PAXIP1: variants seen among roughly 807,000 people sequenced by gnomAD.
PAXIP1 encodes PAX-interacting protein 1.
In PAXIP1, 19 loss-of-function variants were observed where a neutral mutation model predicts 140.6. The ratio of observed to expected loss-of-function variants is 0.14; its 90% CI spans 0.09 to 0.20. The LOEUF (loss-of-function observed/expected upper bound fraction) is 0.20, where lower values mean the gene tolerates loss of function less well. Ranked by LOEUF, PAXIP1 falls within the 10% of genes least tolerant of loss-of-function variation. PAXIP1 has a pLI of 1.00. For missense variants in PAXIP1, 920 were observed against 1,208.6 expected (o/e 0.76, Z 3.54); for synonymous variants, 442 against 444.6 (o/e 0.99, Z 0.07).
chr7:154,999,874 C>A (rs1481873278), intron 1 of PAXIP1, among the ~76,000 whole-genome samples: 1 of 152,054 alleles, frequency 6.6e-6, no homozygotes, highest in Non-Finnish European at 1.5e-5. Flanking sequence ...GGGAGGGGAG[C>A]TAGAGAGCAG....
At position 154,957,203 on chromosome 7, in the gene PAXIP1, AT is replaced by A; in HGVS notation, c.2549+20del. On this transcript the variant is annotated intron_variant, in intron 14 of 20. Coordinates refer to ENST00000404141, the MANE Select transcript of PAXIP1 (RefSeq NM_007349.4). ...GACCTGTGAAAGCCAGCAATGAAAA[AT>A]TTAAGGTTATTACTCATACCTGGCT... The A allele has an allele frequency of 6.8e-7, 1 of 1,476,302 alleles. No individual in the cohort carries two copies. The highest frequency in any genetic ancestry group is 2.3e-5 in the East Asian group (1 of 44,004). 91.5% of individuals were successfully genotyped at this position (1,476,302 alleles called of 1,614,324 possible).
At chr7:155,002,256 CAAGG>C (rs1810940832) in intron 1 of PAXIP1, among the ~76,000 whole-genome samples, 1 of 152,206 alleles carries the variant, frequency 6.6e-6, no homozygotes, top group African/African-American at 2.4e-5. Flanking sequence ...GTGGGAAAAT[CAAGG>C]AAGACGAATG....
chr7:154,954,151 CAT>C lies in PAXIP1; in HGVS notation c.2821+102_2821+103del, dbSNP rs1585041047. The C allele has an allele frequency of 1.4e-5, 11 of 802,712 alleles. No homozygotes were observed. The highest frequency in any genetic ancestry group is 1.8e-5 in the Non-Finnish European group (10 of 545,514). 49.7% of individuals were successfully genotyped at this position (802,712 alleles called of 1,614,324 possible). A position where few individuals can be genotyped will look rare whatever the true frequency, so the allele number is the denominator to read the frequency against. On this transcript the variant is annotated intron_variant, in intron 16 of 20. Transcript: ENST00000404141. The surrounding 1 kb of genome is among the most constrained non-coding windows in gnomAD (Gnocchi z 5.1). ...TTTAAATTTAAATGAATAACTATCACATAGTTTAAAAATTAAATATTTGTTGG... is the reference window on the plus strand; with the variant it reads ...TTTAAATTTAAATGAATAACTATCACAGTTTAAAAATTAAATATTTGTTGG...
rs766983449 is a variant in PAXIP1, at chr7:154,960,958, C to T, written c.2369G>A (p.Arg790His). Residue 790 changes from arginine (R) to histidine (H), a missense_variant, in exon 12 of 21, where the codon CGC (arginine) becomes CAC (histidine). Around this residue, in one of 5 missense-constraint regions of PAXIP1, gnomAD observed 303 missense variants for 517.9 expected, o/e 0.59. Transcript: ENST00000404141. ...FEALRQIQYS[R>H]YTAFSLQDPF... Reference sequence around the variant, plus strand: ...ATCCTGCAGACTGAATGCCGTGTAGCGACTATACTGAATCTGCCTCAGTGC... The same window carrying T: ...ATCCTGCAGACTGAATGCCGTGTAGTGACTATACTGAATCTGCCTCAGTGC... The T allele has an allele frequency of 1.2e-5, 19 of 1,604,514 alleles. No individual in the cohort carries two copies. Among genetic ancestry groups the T allele is most frequent in the Admixed American group, 3.4e-5 (2 of 58,690 alleles).
chr7:154,975,823 C>T lies in PAXIP1; in HGVS notation c.947G>A (p.Gly316Glu), dbSNP rs749589303. 6.2e-7 allele frequency: 1 copy of T among 1,613,766 alleles called. No homozygotes were observed. Among genetic ancestry groups the T allele is most frequent in the African/African-American group, 1.3e-5 (1 of 74,866 alleles). The change falls in exon 6 of 21, where the codon GGA becomes GAA. Residue 316 changes from glycine to glutamate, a missense_variant. Gly to Glu is a moderately conservative substitution (Grantham distance 98). Around this residue, in one of 5 missense-constraint regions of PAXIP1, gnomAD observed 419 missense variants for 514.7 expected, o/e 0.81. Transcript: ENST00000404141. ...PEVRGNLMAA[G>E]QNLQSSERSE... Reference sequence around the variant, plus strand: ...TCTTTCAGAACTTTGGAGGTTTTGTCCAGCAGCCATTAAATTACCCCGGAC... The same window carrying T: ...TCTTTCAGAACTTTGGAGGTTTTGTTCAGCAGCCATTAAATTACCCCGGAC...
intron 16 of PAXIP1, among the ~76,000 whole-genome samples, chr7:154,953,080 TTTTAAA>T (rs971039635): frequency 1.3e-5 from 2 of 152,198 alleles, no homozygotes; most frequent in Non-Finnish European, 2.9e-5. Flanking sequence ...ATCTAAAATA[TTTTAAA>T]TTTAAAAGAT....
At chr7:154,952,309 G>A (rs1808307979) in intron 16 of PAXIP1, 1 of 152,182 alleles carries the variant, frequency 6.6e-6, no homozygotes, top group South Asian at 2.1e-4. Context: ...GTGGACGTAC[G>A]TGGACTGGAA....
At position 154,973,551 on chromosome 7, in the gene PAXIP1, GTTTGCC is replaced by G. The variant is rs995992009; in HGVS notation, c.1074+2139_1074+2144del. On this transcript the variant is annotated intron_variant, in intron 6 of 20. Transcript: ENST00000404141. The surrounding 1 kb of genome is among the most constrained non-coding windows in gnomAD (Gnocchi z 4.0). The stretch of plus-strand genomic sequence containing the variant: ...CTGCTGTCTAACATCTAAAGGGCAT[GTTTGCC>G]TCTATCTTACTCTGGATGCCAGCCA... Among the ~76,000 whole-genome samples, 1 of 152,106 alleles carries G rather than the reference GTTTGCC, an allele frequency of 6.6e-6. No homozygotes were observed. The highest frequency in any genetic ancestry group is 1.5e-5 in the Non-Finnish European group (1 of 68,036).
At chr7:154,982,662 T>A (rs908465728) in intron 5 of PAXIP1, among the ~76,000 whole-genome samples, 1 of 152,182 alleles carries the variant, frequency 6.6e-6, no homozygotes, top group South Asian at 2.1e-4. Context: ...ACAGGCTGCA[T>A]TTCTAACAAG....
At chr7:154,969,798 G>A (rs1809212222) in intron 6 of PAXIP1, among the ~76,000 whole-genome samples, 1 of 152,208 alleles carries the variant, frequency 6.6e-6, no homozygotes, top group Non-Finnish European at 1.5e-5. Context: ...GGCCAGCTAA[G>A]ACACCACCGG....
chr7:154,960,618 G>GT (rs1326402591), intron 12 of PAXIP1, among the ~76,000 whole-genome samples: 3 of 152,194 alleles, frequency 2.0e-5, no homozygotes, highest in African/African-American at 7.2e-5. Context: ...TCGAGCTGCA[G>GT]TGAGTCATGA....
chr7:154,968,366 C>CT (rs1563371902), intron 7 of PAXIP1, 37 bp downstream of exon 7: 1 of 1,496,892 alleles, frequency 6.7e-7, no homozygotes. Context: ...GGGTACAAGA[C>CT]TTTTAGGAGA....
intron 8 of PAXIP1, among the ~76,000 whole-genome samples, chr7:154,966,567 G>C (rs115692737): frequency 1.3e-5 from 2 of 152,122 alleles, no homozygotes; most frequent in Non-Finnish European, 2.9e-5. Context: ...ACTAACTTTT[G>C]TATCTTTGAG....
chr7:154,950,252 G>T (rs974582184), intron 16 of PAXIP1: 1 of 152,064 alleles, frequency 6.6e-6, no homozygotes, highest in Non-Finnish European at 1.5e-5. Context: ...GCTGGACACA[G>T]ACTTTACCCT....
intron 5 of PAXIP1, among the ~76,000 whole-genome samples, chr7:154,980,072 C>G (rs568992681): frequency 6.6e-6 from 1 of 152,202 alleles, no homozygotes; most frequent in African/African-American, 2.4e-5. Context: ...AATGCTAAGT[C>G]CTAGAATGAT....
intron 20 of PAXIP1, chr7:154,944,378 C>T: frequency 2.3e-6 from 1 of 436,810 alleles, no homozygotes; most frequent in Non-Finnish European, 4.2e-6. Context: ...GGGACATCAG[C>T]ACCTGTGCCA....
At chr7:154,996,919 T>C (rs974503211) in intron 2 of PAXIP1, among the ~76,000 whole-genome samples, 11 of 152,246 alleles carry the variant, frequency 7.2e-5, no homozygotes, top group African/African-American at 2.6e-4. Context: ...GCCCCAAGGA[T>C]GTGTTAGAAA....
rs147938532 is a variant in PAXIP1 at position 154,981,154 on chromosome 7, T to C, written c.438+2065A>G. On this transcript the variant is annotated intron_variant, in intron 5 of 20. Coordinates refer to ENST00000404141, the MANE Select transcript of PAXIP1 (RefSeq NM_007349.4). ...AAAAAATTACTTAGGAATGGTAATG[T>C]GTACAGAACGGGGTTAGAGAAAGGA... 1.6e-4 allele frequency among the ~76,000 whole-genome samples: 25 copies of C among 152,184 alleles called. No homozygotes were observed. The East Asian group carries it at 4.6e-3, about 28-fold the overall frequency.
intron 5 of PAXIP1, among the ~76,000 whole-genome samples, chr7:154,982,509 C>A (rs956945412): frequency 1.2e-4 from 19 of 152,222 alleles, no homozygotes; most frequent in African/African-American, 4.6e-4. Flanking sequence ...TGCCACCATG[C>A]CTGGCTAATT....
Sources: allele counts gnomAD v4.1 joint callset (sites outside exome capture counted in the v4.1 genomes callset), GRCh38; gene constraint gnomAD v4.1.1; regional missense constraint gnomAD v4.1.1; non-coding constraint Gnocchi (gnomAD v3.1); transcripts MANE v1.5; gene names NCBI Gene and HGNC (gene_info 2026-07-23, HGNC 2026-07-21).